Variants in KLHL14 observed in about 807,000 individuals in gnomAD.
KLHL14 encodes kelch like family member 14.
A neutral mutation model predicts 64.3 loss-of-function variants in KLHL14; 22 were observed. That is an observed-to-expected ratio of 0.34 (90% CI 0.24 to 0.49). The LOEUF (loss-of-function observed/expected upper bound fraction) is 0.49. Ranked by LOEUF, KLHL14 falls within the 20% of genes least tolerant of loss-of-function variation. The pLI is 0.99. For synonymous variants in KLHL14, 322 were observed against 333.4 expected (o/e 0.97, Z 0.37); for missense variants, 661 against 789.0 (o/e 0.84, Z 1.94).
intron 5 of KLHL14, among the ~76,000 whole-genome samples, chr18:32,686,177 A>ATTTTTTTTTTT (rs148393455): frequency 3.3e-3 from 350 of 107,656 alleles, no homozygotes; most frequent in Non-Finnish European, 4.0e-3. Flanking sequence ...GTGCCCGGCT[A>ATTTTTTTTTTT]TTTTTTTTTT....
At chr18:32,709,433 A>G (rs1017951816) in intron 3 of KLHL14, among the ~76,000 whole-genome samples, 5 of 150,446 alleles carry the variant, frequency 3.3e-5, no homozygotes, top group Non-Finnish European at 2.9e-5. Flanking sequence ...ATAACACTTG[A>G]TAATGCCTAC....
At chr18:32,741,845 T>C in intron 3 of KLHL14, 83 bp downstream of exon 3, 2 of 1,333,408 alleles carry the variant, frequency 1.5e-6, no homozygotes, top group Non-Finnish European at 2.0e-6. Flanking sequence ...TCTAATTTGA[T>C]TAACCATGTT....
intron 3 of KLHL14, among the ~76,000 whole-genome samples, chr18:32,726,370 T>C (rs2050108171): frequency 6.6e-6 from 1 of 152,118 alleles, no homozygotes; most frequent in Non-Finnish European, 1.5e-5. Context: ...ACACCTGTAA[T>C]CCCAGCACTT....
Position 32,770,361 on chromosome 18 carries a change from G to A in KLHL14, c.231C>T (p.Gly77=), listed in dbSNP as rs2050375908. The change falls in exon 2 of 9, where the codon GGC becomes GGT. Residue 77 remains glycine, a synonymous_variant. Coordinates refer to ENST00000359358, the MANE Select transcript of KLHL14 (RefSeq NM_020805.3). The surrounding 1 kb of genome is among the most constrained non-coding windows in gnomAD (Gnocchi z 6.7). ...GCTGCTGGTCCTTGGGGGCCCCCAG[G>A]CCGTCCTGGCCGCCGACCCCTCCCC... is the stretch of plus-strand genomic sequence containing the variant. ...PLGGGVGGQD[G]LGAPKDQQQP... is the part of the protein sequence containing the mutation. The A allele has an allele frequency of 6.3e-7, 1 of 1,585,674 alleles. No homozygotes were observed. Among genetic ancestry groups the A allele is most frequent in the East Asian group, 2.2e-5 (1 of 44,552 alleles).
chr18:32,710,945 G>A (rs993772718), intron 3 of KLHL14, among the ~76,000 whole-genome samples: 1 of 152,128 alleles, frequency 6.6e-6, no homozygotes, highest in Non-Finnish European at 1.5e-5. Context: ...GAGCCAAGAT[G>A]GTGGAGGTCC....
At chr18:32,730,170 T>A (rs1168580745) in intron 3 of KLHL14, among the ~76,000 whole-genome samples, 1 of 152,208 alleles carries the variant, frequency 6.6e-6, no homozygotes, top group Non-Finnish European at 1.5e-5. Context: ...CATGGAGAAG[T>A]ATAGCCTGCT....
At chr18:32,717,328 A>G (rs2050051105) in intron 3 of KLHL14, among the ~76,000 whole-genome samples, 1 of 152,240 alleles carries the variant, frequency 6.6e-6, no homozygotes, top group African/African-American at 2.4e-5. Context: ...TGGTTGCTTG[A>G]AATTTAGACT....
Position 32,770,112 on chromosome 18 carries a change from G to A in KLHL14, c.480C>T (p.Val160=). 6.2e-7 allele frequency: 1 copy of A among 1,614,168 alleles called. No individual in the cohort carries two copies. The highest frequency in any genetic ancestry group is 8.5e-7 in the Non-Finnish European group (1 of 1,180,032). The change falls in exon 2 of 9, where the codon GTC becomes GTT. Residue 160 remains valine, a synonymous_variant. Coordinates refer to ENST00000359358, the MANE Select transcript of KLHL14 (RefSeq NM_020805.3). This position sits in a 1 kb window ranked among gnomAD's most constrained non-coding sequence, Gnocchi z 6.7. Reference sequence around the variant, plus strand: ...CCTGGGGGATGTGCAGGATCTTGCTGACCGACAGCACCTCCTCCACCGTGT... The same window carrying A: ...CCTGGGGGATGTGCAGGATCTTGCTAACCGACAGCACCTCCTCCACCGTGT... ...SLDTVEEVLS[V]SKILHIPQVT...
chr18:32,734,188 C>A (rs1457919160), intron 3 of KLHL14: 1 of 702,900 alleles, frequency 1.4e-6, no homozygotes, highest in East Asian at 2.7e-5. Context: ...TTTCCTCCTT[C>A]TGAACTCTGG....
At chr18:32,675,653 T>C (rs1414857507) in intron 8 of KLHL14, among the ~76,000 whole-genome samples, 1 of 152,178 alleles carries the variant, frequency 6.6e-6, no homozygotes, top group Non-Finnish European at 1.5e-5. Flanking sequence ...TTGTCAACTT[T>C]AGAGGCTAGT....
chr18:32,695,560 T>G lies in KLHL14; in HGVS notation c.1070-8A>C, dbSNP rs1384348154. 1.3e-6 allele frequency: 2 copies of G among 1,539,122 alleles called. No homozygotes were observed. Among genetic ancestry groups the G allele is most frequent in the South Asian group, 1.2e-5 (1 of 84,134 alleles). ...CACTGTTGTATGGCATAACTGAAAT[T>G]AAGAAAAAAAAAAAAGACATATGAA... is the stretch of plus-strand genomic sequence containing the variant. On this transcript the variant is annotated splice_polypyrimidine_tract_variant and splice_region_variant and intron_variant, in intron 3 of 8. Transcript: ENST00000359358.
intron 3 of KLHL14, among the ~76,000 whole-genome samples, chr18:32,727,548 C>A (rs193165665): frequency 1.5e-4 from 23 of 152,238 alleles, no homozygotes; most frequent in Admixed American, 5.9e-4. Context: ...ACCAAACAAC[C>A]ATTACACATC....
At chr18:32,697,872 C>G (rs920852874) in intron 3 of KLHL14, among the ~76,000 whole-genome samples, 17 of 152,288 alleles carry the variant, frequency 1.1e-4, no homozygotes, top group Non-Finnish European at 1.2e-4. Flanking sequence ...AAGGAATTCT[C>G]ATCTATTTAC....
At position 32,770,785 on chromosome 18, in the gene KLHL14, C is replaced by A. The variant is rs957931224; in HGVS notation, c.-43-151G>T. Among the ~76,000 whole-genome samples, 2 of 152,056 alleles carry A rather than the reference C, an allele frequency of 1.3e-5. No homozygotes were observed. Among genetic ancestry groups the A allele is most frequent in the African/African-American group, 4.8e-5 (2 of 41,408 alleles). On this transcript the variant is annotated intron_variant, in intron 1 of 8. Transcript: ENST00000359358. This position sits in a 1 kb window ranked among gnomAD's most constrained non-coding sequence, Gnocchi z 6.7. ...GACTCCCTCCTGGCGCGCTCCGGAC[C>A]CCGACCCTAGGAGGAAAGTCCGAAG... is the stretch of plus-strand genomic sequence containing the variant.
At chr18:32,741,789 G>C (rs11081780) in intron 3 of KLHL14, 139 bp downstream of exon 3, 615,271 of 1,011,980 alleles carry the variant, frequency 0.61, 192,078 homozygotes, top group East Asian at 0.96. Flanking sequence ...CTAAATCCCC[G>C]GTGATACATA....
intron 2 of KLHL14, among the ~76,000 whole-genome samples, chr18:32,742,306 C>T (rs2050203181): frequency 6.6e-6 from 1 of 151,934 alleles, no homozygotes; most frequent in African/African-American, 2.4e-5. Flanking sequence ...CTAGAACGAC[C>T]TTTTTCTTAT....
intron 3 of KLHL14, among the ~76,000 whole-genome samples, chr18:32,700,655 A>G (rs935596410): frequency 1.3e-5 from 2 of 152,182 alleles, no homozygotes; most frequent in African/African-American, 4.8e-5. Flanking sequence ...TATGCTAGGC[A>G]ATGTTGTACC....
intron 3 of KLHL14, among the ~76,000 whole-genome samples, chr18:32,716,965 C>G (rs766772237): frequency 6.6e-6 from 1 of 152,126 alleles, no homozygotes; most frequent in Non-Finnish European, 1.5e-5. Context: ...GATGTCTAGA[C>G]TGGGCCTATA....
chr18:32,730,278 A>G (rs1227905523), intron 3 of KLHL14, among the ~76,000 whole-genome samples: 1 of 152,228 alleles, frequency 6.6e-6, no homozygotes, highest in Non-Finnish European at 1.5e-5. Context: ...GCAACAAATG[A>G]GATCAAGAAA....
Sources: gnomAD v4.1 joint callset for allele counts (sites outside exome capture counted in the v4.1 genomes callset) on GRCh38, gnomAD v4.1.1 for gene constraint, Gnocchi (gnomAD v3.1) non-coding constraint, MANE v1.5 for transcripts, NCBI Gene and HGNC (gene_info 2026-07-23, HGNC 2026-07-21) for gene names.